CCDC154: variants seen among roughly 807,000 people sequenced by gnomAD.
CCDC154 encodes coiled-coil domain-containing protein 154.
Under a neutral mutation model 87.5 loss-of-function variants are expected in CCDC154, and 91 were observed. That is an observed-to-expected ratio of 1.04 (90% CI 0.88 to 1.24). The LOEUF (loss-of-function observed/expected upper bound fraction) is 1.24. CCDC154 is among the 50% of genes most tolerant of loss of function. The pLI is 0.00. For missense variants in CCDC154, 903 were observed against 879.2 expected (o/e 1.03, Z -0.34); for synonymous variants, 418 against 400.4 (o/e 1.04, Z -0.52).
rs908407288 is a variant in CCDC154, at chr16:1,437,758, A to G, written c.1290+59T>C. 8 of 1,480,190 alleles carry G rather than the reference A, an allele frequency of 5.4e-6. No individual in the cohort carries two copies. In the African/African-American group the frequency reaches 9.7e-5, roughly 18 times the overall value. 91.7% of individuals were successfully genotyped at this position (1,480,190 alleles called of 1,614,324 possible). A position where few individuals can be genotyped will look rare whatever the true frequency, so the allele number is the denominator to read the frequency against. On this transcript the variant is annotated intron_variant, in intron 11 of 16. Coordinates refer to ENST00000389176, the MANE Select transcript of CCDC154 (RefSeq NM_001143980.3). ...ACCCTGGGGGCAGTGGTGGGCTGAGAGCTGGAGGGGTGGGGACTCCCCATA... is the reference window on the plus strand; with the variant it reads ...ACCCTGGGGGCAGTGGTGGGCTGAGGGCTGGAGGGGTGGGGACTCCCCATA...
rs200706751 is a variant in CCDC154 at position 1,443,836 on chromosome 16, C to G, written c.184G>C (p.Glu62Gln). 2 of 1,304,464 alleles carry G rather than the reference C, an allele frequency of 1.5e-6. No individual in the cohort carries two copies. Among genetic ancestry groups the G allele is most frequent in the Non-Finnish European group, 2.0e-6 (2 of 989,136 alleles). 80.8% of individuals were successfully genotyped at this position (1,304,464 alleles called of 1,614,324 possible). The change falls in exon 2 of 17, where the codon GAG (glutamate) becomes CAG (glutamine). Residue 62 changes from glutamate (E) to glutamine (Q), a missense_variant. Coordinates refer to ENST00000389176, the MANE Select transcript of CCDC154 (RefSeq NM_001143980.3). ...SHPTSTASVP[E>Q]QDTAKHWNQL... The stretch of plus-strand genomic sequence containing the variant: ...TTCCAGTGCTTGGCGGTGTCCTGCT[C>G]GGGGACAGAGGCCGTGGATGTCGGA...
At chr16:1,443,025 T>C in intron 4 of CCDC154, 50 bp from the exon 5 acceptor site, 1 of 1,544,014 alleles carries the variant, frequency 6.5e-7, no homozygotes, top group Non-Finnish European at 8.8e-7. Context: ...CTGAGCAGCC[T>C]CGGCGGGCTG....
In CCDC154 at chr16:1,438,890, G is replaced by C. The variant is rs773913725; in HGVS notation, c.831C>G (p.Gly277=). The C allele has an allele frequency of 1.1e-4, 172 of 1,549,146 alleles. 2 individuals are homozygous for C. In the Middle Eastern group the frequency reaches 2.2e-3, roughly 20 times the overall value. ...SRLKLEGSLR[G]ELESRWEKLR... Reference sequence around the variant, plus strand: ...GCTTCTCCCACCGGCTCTCCAGCTCGCCCCGCAGGCTGCCCTCCAGCTTCA... The same window carrying C: ...GCTTCTCCCACCGGCTCTCCAGCTCCCCCCGCAGGCTGCCCTCCAGCTTCA... The change falls in exon 8 of 17, where the codon GGC becomes GGG. Residue 277 remains glycine (G), a synonymous_variant. Coordinates refer to ENST00000389176, the MANE Select transcript of CCDC154 (RefSeq NM_001143980.3).
Position 1,434,387 on chromosome 16 carries a change from AT to A in CCDC154, c.*20del. The stretch of plus-strand genomic sequence containing the variant: ...CACACATCAGGGAACCTCAGCTCTA[AT>A]GAGTACAAAGCCAGCACGTTTATTT... On this transcript the variant is annotated 3_prime_UTR_variant, in exon 17 of 17. Transcript: ENST00000389176. 3 of 1,549,272 alleles carry A rather than the reference AT, an allele frequency of 1.9e-6. No homozygotes were observed. The highest frequency in any genetic ancestry group is 2.6e-6 in the Non-Finnish European group (3 of 1,146,338).
chr16:1,435,004 G>A (rs909431561), intron 15 of CCDC154, 85 bp downstream of exon 15: 90 of 1,444,190 alleles, frequency 6.2e-5, no homozygotes, highest in East Asian at 4.2e-4. Flanking sequence ...AGACACTGGC[G>A]CCTGCAGCAG....
chr16:1,438,647 G>C lies in CCDC154; in HGVS notation c.997C>G (p.Arg333Gly). 6.5e-7 allele frequency: 1 copy of C among 1,550,100 alleles called. No homozygotes were observed. Among genetic ancestry groups the C allele is most frequent in the Non-Finnish European group, 8.7e-7 (1 of 1,146,778 alleles). The change falls in exon 9 of 17, where the codon CGT becomes GGT. Residue 333 changes from arginine (R) to glycine (G), a missense_variant. By Grantham distance (125) the Arg-to-Gly change is moderately radical. Transcript: ENST00000389176. ...FVQQNQASLN[R>G]VLLAEEKAWD... ...GCTTTCTCCTCGGCCAGTAGGACAC[G>C]GTTCAGCGACGCCTGGTTCTGCTGC...
At position 1,443,224 on chromosome 16, in the gene CCDC154, C is replaced by T. The variant is rs79635124; in HGVS notation, c.455+37G>A. ...CGCTGCTTTCTCGCCACCACCTCCC[C>T]GCCCTGGGCCTGTGCCCCTAGGTGT... On this transcript the variant is annotated intron_variant, in intron 4 of 16. Transcript: ENST00000389176. 496 of 1,544,110 alleles carry T rather than the reference C, an allele frequency of 3.2e-4. 1 individual carries two copies. The African/African-American group carries it at 4.3e-3, about 14-fold the overall frequency.
At chr16:1,439,303 C>G (rs1284885319) in intron 6 of CCDC154, 177 bp from the exon 7 acceptor site, 3 of 617,022 alleles carry the variant, frequency 4.9e-6, no homozygotes, top group African/African-American at 1.8e-5. Context: ...CAGGACCACT[C>G]TGTACCCAGA....
At chr16:1,442,667 A>C in intron 5 of CCDC154, 138 bp from the exon 6 acceptor site, 1 of 1,105,386 alleles carries the variant, frequency 9.0e-7, no homozygotes, top group South Asian at 1.6e-5. Context: ...AATGGGAAAC[A>C]CAGCACCGGT....
At chr16:1,442,376 G>A (rs114391979) in intron 6 of CCDC154, 30 bp downstream of exon 6, 49,153 of 1,528,024 alleles carry the variant, frequency 0.032, 1,825 homozygotes, top group African/African-American at 0.16. Context: ...CCCTCTGGGC[G>A]GCCCCCCTGA....
Position 1,442,983 on chromosome 16 carries a change from A to G in CCDC154, c.456-8T>C. 1.9e-6 allele frequency: 3 copies of G among 1,549,776 alleles called. No homozygotes were observed. The highest frequency in any genetic ancestry group is 1.7e-6 in the Non-Finnish European group (2 of 1,146,704). ...TCCCGGACCTCCACCAGCCTGGGACACAACAAGCCATTCCCGAGAGGCCCA... is the reference window on the plus strand; with the variant it reads ...TCCCGGACCTCCACCAGCCTGGGACGCAACAAGCCATTCCCGAGAGGCCCA... On this transcript the variant is annotated splice_polypyrimidine_tract_variant and splice_region_variant and intron_variant, in intron 4 of 16. Transcript: ENST00000389176.
chr16:1,442,646 G>C (rs1268318380), intron 5 of CCDC154, 117 bp from the exon 6 acceptor site: 3 of 1,234,718 alleles, frequency 2.4e-6, no homozygotes, highest in African/African-American at 1.5e-5. Context: ...TGCCCCACCA[G>C]AAAACAGAGG....
rs2038588129 is a variant in CCDC154, at chr16:1,444,163, C to G, written c.8-151G>C. On this transcript the variant is annotated intron_variant, in intron 1 of 16. Transcript: ENST00000389176. ...TCACACAGGATCCAGACGGGCTTGG[C>G]TCAGACAAGTCCAGGGCCCTGCCTG... is the stretch of plus-strand genomic sequence containing the variant. 7.7e-6 allele frequency: 8 copies of G among 1,044,308 alleles called. 1 individual carries two copies. The South Asian group carries it at 1.2e-4, about 16-fold the overall frequency. 64.7% of individuals were successfully genotyped at this position (1,044,308 alleles called of 1,614,324 possible). A position where few individuals can be genotyped will look rare whatever the true frequency, so the allele number is the denominator to read the frequency against.
chr16:1,444,503 G>C lies in CCDC154; in HGVS notation c.-181C>G. On this transcript the variant is annotated 5_prime_UTR_variant, in exon 1 of 17. Transcript: ENST00000389176. Reference sequence around the variant, plus strand: ...CTGGCTGCCTTCTCAGGGTCCCCAGGGAGGCAGGTGTGGGGCAGCGGGGCC... The same window carrying C: ...CTGGCTGCCTTCTCAGGGTCCCCAGCGAGGCAGGTGTGGGGCAGCGGGGCC... The C allele has an allele frequency of 2.0e-6, 1 of 502,648 alleles. No individual in the cohort carries two copies. Among genetic ancestry groups the C allele is most frequent in the Non-Finnish European group, 3.2e-6 (1 of 316,902 alleles). The allele number at this position is 502,648 out of a possible 1,614,324, so 31.1% of individuals were successfully genotyped here.
At position 1,442,870 on chromosome 16, in the gene CCDC154, G is replaced by A; in HGVS notation, c.551+10C>T. The A allele has an allele frequency of 6.5e-7, 1 of 1,547,532 alleles. No individual in the cohort carries two copies. The highest frequency in any genetic ancestry group is 8.7e-7 in the Non-Finnish European group (1 of 1,145,872). Reference sequence around the variant, plus strand: ...AGCTCCGGAGCCAGCCACGGGCGGTGGGCGCCCACCTGAGGCCGGCCTCTT... The same window carrying A: ...AGCTCCGGAGCCAGCCACGGGCGGTAGGCGCCCACCTGAGGCCGGCCTCTT... On this transcript the variant is annotated intron_variant, in intron 5 of 16. Transcript: ENST00000389176.
Position 1,438,600 on chromosome 16 carries a change from G to A in CCDC154, c.1025+19C>T. ...GGGGTCCCCCCGCCTGACAGCACCT[G>A]AGGCCCCAGGACACCCACCAGGCTT... On this transcript the variant is annotated intron_variant, in intron 9 of 16. Transcript: ENST00000389176. 6.5e-7 allele frequency: 1 copy of A among 1,544,864 alleles called. No individual in the cohort carries two copies. Among genetic ancestry groups the A allele is most frequent in the Middle Eastern group, 1.7e-4 (1 of 5,980 alleles).
chr16:1,438,222 C>T (rs764698969), intron 9 of CCDC154, 46 bp from the exon 10 acceptor site: 6 of 1,471,136 alleles, frequency 4.1e-6, no homozygotes, highest in East Asian at 5.0e-5. Flanking sequence ...GCCTGCCCAC[C>T]TCTCAGCCCT....
Position 1,436,886 on chromosome 16 carries a change from G to A in CCDC154, c.1291-75C>T, listed in dbSNP as rs2038507046. 3 of 1,526,304 alleles carry A rather than the reference G, an allele frequency of 2.0e-6. No individual in the cohort carries two copies. In the Admixed American group the frequency reaches 6.0e-5, roughly 31 times the overall value. 94.5% of individuals were successfully genotyped at this position (1,526,304 alleles called of 1,614,324 possible). ...ACAGATGGAAAGACGGACACGGGGA[G>A]CTCTGGGGAGCAGGCGGCCCCCACC... On this transcript the variant is annotated intron_variant, in intron 11 of 16. Transcript: ENST00000389176.
chr16:1,436,908 C>CGAG, intron 11 of CCDC154, 97 bp from the exon 12 acceptor site: 2 of 1,473,188 alleles, frequency 1.4e-6, no homozygotes, highest in South Asian at 1.3e-5. Context: ...AGGCGGCCCC[C>CGAG]ACCCCCACTT....
Sources: gnomAD v4.1 joint callset for allele counts on GRCh38, gnomAD v4.1.1 for gene constraint, MANE v1.5 for transcripts, NCBI Gene and HGNC (gene_info 2026-07-23, HGNC 2026-07-21) for gene names.